The following RBFOX1 variants were observed in gnomAD, a reference collection of about 807,000 sequenced individuals.
RBFOX1 encodes RNA binding protein fox-1 homolog 1.
A neutral mutation model predicts 57.7 loss-of-function variants in RBFOX1; 8 were observed. The ratio of observed to expected loss-of-function variants is 0.14; its 90% CI spans 0.08 to 0.25. The LOEUF is 0.25. Among genes scored for constraint, RBFOX1 ranks in the 10% least tolerant of loss-of-function variants. The pLI is 1.00. For missense variants in RBFOX1, 611 were observed against 548.5 expected (o/e 1.11, Z -1.14); for synonymous variants, 326 against 222.4 (o/e 1.47, Z -4.15).
chr16:6,744,585 T>A lies in RBFOX1; in HGVS notation c.-16+89935T>A, dbSNP rs75196957. ...ACTTGGAGAATAAGCCACACTTTAA[T>A]AAATAACCTGTGGATCGAAGAGAAA... On this transcript the variant is annotated intron_variant, in intron 3 of 15. Coordinates refer to ENST00000550418, the MANE Select transcript of RBFOX1 (RefSeq NM_018723.4). Among the ~76,000 whole-genome samples the A allele has an allele frequency of 1.8e-3, 280 of 152,154 alleles. 4 individuals carry two copies. The East Asian group carries it at 0.049, about 27-fold the overall frequency.
chr16:5,565,335 G>T (rs1327884225), intron 2 of RBFOX1, among the ~76,000 whole-genome samples: 2 of 152,168 alleles, frequency 1.3e-5, no homozygotes, highest in Non-Finnish European at 2.9e-5. Context: ...ATTAGAATTT[G>T]CAAGTCATGG....
intron 1 of RBFOX1, among the ~76,000 whole-genome samples, chr16:6,248,607 T>A (rs984460577): frequency 3.3e-5 from 5 of 152,162 alleles, no homozygotes; most frequent in African/African-American, 1.2e-4. Flanking sequence ...ACAAACTTCC[T>A]CCAGGGTTTT....
chr16:7,085,174 G>T (rs1257562144), intron 4 of RBFOX1, among the ~76,000 whole-genome samples: 1 of 152,100 alleles, frequency 6.6e-6, no homozygotes, highest in Non-Finnish European at 1.5e-5. Flanking sequence ...ATGCCTCCAA[G>T]GGCCAGGCCT....
At chr16:6,361,515 C>G (rs192732496) in intron 2 of RBFOX1, among the ~76,000 whole-genome samples, 28 of 151,924 alleles carry the variant, frequency 1.8e-4, no homozygotes, top group African/African-American at 6.3e-4. Context: ...GTAGTTGCAG[C>G]TTCTCGGGAG....
chr16:7,274,480 C>A (rs1361231234), intron 4 of RBFOX1, among the ~76,000 whole-genome samples: 4 of 152,100 alleles, frequency 2.6e-5, no homozygotes, highest in Non-Finnish European at 5.9e-5. Flanking sequence ...TCCTTCTTAG[C>A]TTGGAGAATA....
intron 2 of RBFOX1, among the ~76,000 whole-genome samples, chr16:6,327,718 T>A (rs2082537661): frequency 6.6e-6 from 1 of 152,018 alleles, no homozygotes; most frequent in African/African-American, 2.4e-5. Context: ...GAAAAAGGAG[T>A]TTCAGAATAC....
intron 9 of RBFOX1, among the ~76,000 whole-genome samples, chr16:7,605,343 C>T (rs915452292): frequency 1.6e-4 from 25 of 151,996 alleles, no homozygotes; most frequent in African/African-American, 4.6e-4. Context: ...TTTCAGAAAC[C>T]GCTAGGGCAG....
rs187104165 is a variant in RBFOX1 at position 7,324,163 on chromosome 16, G to A, written c.28-193984G>A. On this transcript the variant is annotated intron_variant, in intron 4 of 15. Transcript: ENST00000550418. Reference sequence around the variant, plus strand: ...TTGTCCGTGGTGTCCTTTTTACAATGAGCCATCTGATGAGCCTTCTATCCA... The same window carrying A: ...TTGTCCGTGGTGTCCTTTTTACAATAAGCCATCTGATGAGCCTTCTATCCA... Among the ~76,000 whole-genome samples the A allele has an allele frequency of 4.6e-5, 7 of 152,282 alleles. No homozygotes were observed. In the South Asian group the frequency reaches 8.3e-4, roughly 18 times the overall value.
intron 1 of RBFOX1, among the ~76,000 whole-genome samples, chr16:6,144,161 A>G (rs2096740492): frequency 6.6e-6 from 1 of 152,150 alleles, no homozygotes; most frequent in Non-Finnish European, 1.5e-5. Context: ...TGGATCAACA[A>G]ATTAGACTCT....
intron 1 of RBFOX1, among the ~76,000 whole-genome samples, chr16:6,237,114 C>T (rs2097510868): frequency 6.6e-6 from 1 of 152,194 alleles, no homozygotes; most frequent in Non-Finnish European, 1.5e-5. Context: ...GAGCCAAAAT[C>T]ATGGTACTTA....
At chr16:5,454,846 TTTC>T (rs1351211441) in intron 1 of RBFOX1, among the ~76,000 whole-genome samples, 73 of 134,290 alleles carry the variant, frequency 5.4e-4, no homozygotes, top group Non-Finnish European at 8.4e-4. Context: ...CTTTCCTTTC[TTTC>T]TTTCTTTTCT....
chr16:6,446,252 C>G (rs1203124937), intron 2 of RBFOX1, among the ~76,000 whole-genome samples: 1 of 152,192 alleles, frequency 6.6e-6, no homozygotes, highest in African/African-American at 2.4e-5. Context: ...AGTCCTCCTG[C>G]TTAGCTTCCC....
intron 3 of RBFOX1, among the ~76,000 whole-genome samples, chr16:6,859,155 A>ATATATATACGTATATATATG (rs2058513077): frequency 1.7e-5 from 1 of 60,246 alleles, no homozygotes. Context: ...ATATATATGT[A>ATATATATACGTATATATATG]TATATATACG....
Position 5,613,939 on chromosome 16 carries a change from T to G in RBFOX1, c.318+14978T>G, listed in dbSNP as rs560892831. Among the ~76,000 whole-genome samples the G allele has an allele frequency of 7.6e-5, 11 of 144,706 alleles. No homozygotes were observed. The East Asian group carries it at 2.2e-3, about 29-fold the overall frequency. The allele number at this position is 144,706 out of a possible 152,430, so 94.9% of individuals were successfully genotyped here. A position where few individuals can be genotyped will look rare whatever the true frequency, so the allele number is the denominator to read the frequency against. On this transcript the variant is annotated intron_variant, in intron 3 of 19. Transcript: ENST00000641259. ...TTTCCTTGGACTTTTTTTTTTTTTT[T>G]ATCCTGATGCTGCCTTTCAGGGTCC...
rs139983087 is a variant in RBFOX1, at chr16:5,833,778, CTTAG to C, written c.319-33520_319-33517del. On this transcript the variant is annotated intron_variant, in intron 3 of 19. Transcript: ENST00000641259. ...TTATTTTGTTTCCCTTGTCTTTCTA[CTTAG>C]TTAGCCCTTTCTTTAGCCCAGGCCC... is the stretch of plus-strand genomic sequence containing the variant. Among the ~76,000 whole-genome samples the C allele has an allele frequency of 8.7e-3, 1,325 of 152,244 alleles. 13 individuals are homozygous for C. Among genetic ancestry groups the C allele is most frequent in the Middle Eastern group, 0.02 (6 of 294 alleles).
Position 6,654,593 on chromosome 16 carries a change from C to G in RBFOX1, c.-63-10C>G. On this transcript the variant is annotated splice_polypyrimidine_tract_variant and intron_variant, in intron 2 of 15. Transcript: ENST00000550418. ...TTCTCTCACTTTCCTTTCTTTTCTT[C>G]TCTTCTCAGGATATCAAAGCAGACT... 3 of 1,503,256 alleles carry G rather than the reference C, an allele frequency of 2.0e-6. No individual in the cohort carries two copies. Among genetic ancestry groups the G allele is most frequent in the Non-Finnish European group, 2.6e-6 (3 of 1,134,080 alleles). The allele number at this position is 1,503,256 out of a possible 1,614,324, so 93.1% of individuals were successfully genotyped here.
intron 1 of RBFOX1, among the ~76,000 whole-genome samples, chr16:6,286,197 T>A (rs2076892627): frequency 6.6e-6 from 1 of 152,126 alleles, no homozygotes; most frequent in Non-Finnish European, 1.5e-5. Flanking sequence ...AGTCATGGCG[T>A]CCATTTTTAA....
At chr16:6,129,727 C>G (rs1443166416) in intron 1 of RBFOX1, among the ~76,000 whole-genome samples, 2 of 140,200 alleles carry the variant, frequency 1.4e-5, no homozygotes, top group South Asian at 2.3e-4. Flanking sequence ...GAACTAAACT[C>G]AGACATCAGT....
At chr16:5,501,318 C>CAAAAAAAAAAAAAAAAAAAAAAAAAAAA (rs1160788118) in intron 2 of RBFOX1, among the ~76,000 whole-genome samples, 1 of 64,894 alleles carries the variant, frequency 1.5e-5, no homozygotes. Context: ...ACTCTGTCTA[C>CAAAAAAAAAAAAAAAAAAAAAAAAAAAA]AAAAAAAAAA....
Sources: gnomAD v4.1 joint callset for allele counts (sites outside exome capture counted in the v4.1 genomes callset) on GRCh38, gnomAD v4.1.1 for gene constraint, MANE v1.5 for transcripts, NCBI Gene and HGNC (gene_info 2026-07-23, HGNC 2026-07-21) for gene names.